Variants in UBE2J1 observed in about 807,000 individuals in gnomAD.
UBE2J1 encodes ubiquitin conjugating enzyme E2 J1.
A neutral mutation model predicts 42.1 loss-of-function variants in UBE2J1; 17 were observed. That is an observed-to-expected ratio of 0.40 (90% confidence interval 0.28 to 0.61). UBE2J1 has a LOEUF of 0.61. Among genes scored for constraint, UBE2J1 ranks in the 20% least tolerant of loss-of-function variants. The pLI, the probability that UBE2J1 is intolerant of heterozygous loss-of-function variation, is 0.38. For missense variants in UBE2J1, 291 were observed against 389.4 expected (o/e 0.75, Z 2.13); for synonymous variants, 127 against 137.2 (o/e 0.93, Z 0.52).
Position 89,329,451 on chromosome 6 carries a change from G to A in UBE2J1, c.*228C>T. 1.9e-6 allele frequency: 1 copy of A among 530,164 alleles called. No individual in the cohort carries two copies. Among genetic ancestry groups the A allele is most frequent in the Non-Finnish European group, 3.3e-6 (1 of 304,368 alleles). The allele number at this position is 530,164 out of a possible 1,614,324, so 32.8% of individuals were successfully genotyped here. On this transcript the variant is annotated 3_prime_UTR_variant, in exon 8 of 8. Transcript: ENST00000435041. The stretch of plus-strand genomic sequence containing the variant: ...AAACAAGTTATTTCCCTGCAAAGCA[G>A]ATCAAATAGTGAGACAAGGAACTTT...
rs555292846 is a variant in UBE2J1, at chr6:89,351,988, G to GT, written c.31+550dup. 3.9e-3 allele frequency among the ~76,000 whole-genome samples: 594 copies of GT among 152,216 alleles called. 2 individuals carry two copies. Among genetic ancestry groups the GT allele is most frequent in the Non-Finnish European group, 5.1e-3 (350 of 67,996 alleles). ...TCTCAAGAACAGGGCTCAACGAGGT[G>GT]TTTTTTTGTTGTTGTTTTGTTTTGC... On this transcript the variant is annotated intron_variant, in intron 1 of 7. Transcript: ENST00000435041.
chr6:89,343,159 G>A (rs936721483), intron 2 of UBE2J1, among the ~76,000 whole-genome samples: 14 of 152,120 alleles, frequency 9.2e-5, no homozygotes, highest in Admixed American at 4.6e-4. Context: ...AACCTCGGCC[G>A]GGTGCAGTGG....
At chr6:89,330,399 C>A (rs958226066) in intron 7 of UBE2J1, among the ~76,000 whole-genome samples, 1 of 152,072 alleles carries the variant, frequency 6.6e-6, no homozygotes, top group African/African-American at 2.4e-5. Context: ...GATCCTCCTG[C>A]CTTGGCCTCC....
chr6:89,348,147 C>T (rs1032006064), intron 1 of UBE2J1, among the ~76,000 whole-genome samples: 4 of 152,182 alleles, frequency 2.6e-5, no homozygotes, highest in South Asian at 2.1e-4. Flanking sequence ...AACTTTTATT[C>T]CAGCTCCTCT....
chr6:89,352,657 C>A lies in UBE2J1; in HGVS notation c.-88G>T, dbSNP rs1207599970. The A allele has an allele frequency of 7.1e-7, 1 of 1,412,892 alleles. No individual in the cohort carries two copies. Among genetic ancestry groups the A allele is most frequent in the Non-Finnish European group, 9.3e-7 (1 of 1,073,418 alleles). The allele number at this position is 1,412,892 out of a possible 1,614,324, so 87.5% of individuals were successfully genotyped here. On this transcript the variant is annotated 5_prime_UTR_variant, in exon 1 of 8. Coordinates refer to ENST00000435041, the MANE Select transcript of UBE2J1 (RefSeq NM_016021.3). ...TGCCCGGGTCTCAGCGCGGCTCGGG[C>A]GGACGGGGCCTGGCCGAGGAGCCTC...
chr6:89,352,637 G>A lies in UBE2J1; in HGVS notation c.-68C>T, dbSNP rs1044469830. 13 of 1,480,610 alleles carry A rather than the reference G, an allele frequency of 8.8e-6. No individual in the cohort carries two copies. Among genetic ancestry groups the A allele is most frequent in the African/African-American group, 1.5e-5 (1 of 68,378 alleles). 91.7% of individuals were successfully genotyped at this position (1,480,610 alleles called of 1,614,324 possible). On this transcript the variant is annotated 5_prime_UTR_variant, in exon 1 of 8. Transcript: ENST00000435041. ...CCTCCTCTCCACGCGGCCGCTGCCCGGGTCTCAGCGCGGCTCGGGCGGACG... is the reference window on the plus strand; with the variant it reads ...CCTCCTCTCCACGCGGCCGCTGCCCAGGTCTCAGCGCGGCTCGGGCGGACG...
In UBE2J1 at chr6:89,352,531, CT is replaced by C; in HGVS notation, c.31+7del. The C allele has an allele frequency of 6.4e-7, 1 of 1,570,098 alleles. No homozygotes were observed. Among genetic ancestry groups the C allele is most frequent in the Admixed American group, 1.7e-5 (1 of 57,330 alleles). ...CCCTCCTCGCCCAGGGGCCCCAGCC[CT>C]GCTCACCCGGACTCTTCAGGTTGTA... is the stretch of plus-strand genomic sequence containing the variant. On this transcript the variant is annotated splice_region_variant and intron_variant, in intron 1 of 7. Coordinates refer to ENST00000435041, the MANE Select transcript of UBE2J1 (RefSeq NM_016021.3).
At chr6:89,333,249 AAC>A (rs745435716) in intron 6 of UBE2J1, 44 bp from the exon 7 acceptor site, 6 of 1,571,168 alleles carry the variant, frequency 3.8e-6, no homozygotes, top group Non-Finnish European at 5.2e-6. Flanking sequence ...AACAGGAAAC[AAC>A]AGGAAACATA....
chr6:89,332,753 A>G (rs1263491333), intron 7 of UBE2J1, among the ~76,000 whole-genome samples: 2 of 152,250 alleles, frequency 1.3e-5, no homozygotes, highest in East Asian at 3.8e-4. Flanking sequence ...CCTGCCAAAA[A>G]TAGTGTCTAT....
At chr6:89,339,751 T>C (rs1355345305) in intron 3 of UBE2J1, among the ~76,000 whole-genome samples, 3 of 146,806 alleles carry the variant, frequency 2.0e-5, no homozygotes, top group Admixed American at 1.4e-4. Context: ...GACTCATGTC[T>C]GTAATCCCAG....
chr6:89,336,527 C>T (rs369165773), intron 5 of UBE2J1, among the ~76,000 whole-genome samples: 3 of 142,926 alleles, frequency 2.1e-5, no homozygotes, highest in Non-Finnish European at 4.5e-5. Flanking sequence ...GAGACAGTGT[C>T]TCCCTGTGTT....
chr6:89,349,029 C>T (rs1768414729), intron 1 of UBE2J1, among the ~76,000 whole-genome samples: 1 of 152,080 alleles, frequency 6.6e-6, no homozygotes, highest in Non-Finnish European at 1.5e-5. Flanking sequence ...TGAGCTCAGG[C>T]GTTTGAGACC....
chr6:89,351,310 G>C (rs1487966033), intron 1 of UBE2J1, among the ~76,000 whole-genome samples: 6 of 151,730 alleles, frequency 4.0e-5, no homozygotes, highest in Admixed American at 1.3e-4. Flanking sequence ...TCCACCTCCT[G>C]GGCTCAAGCC....
At chr6:89,347,379 T>C (rs1259541966) in intron 1 of UBE2J1, among the ~76,000 whole-genome samples, 1 of 152,244 alleles carries the variant, frequency 6.6e-6, no homozygotes, top group African/African-American at 2.4e-5. Flanking sequence ...AACTCAATAA[T>C]GATTAAGCTG....
intron 7 of UBE2J1, among the ~76,000 whole-genome samples, chr6:89,331,202 T>G: frequency 6.6e-6 from 1 of 152,184 alleles, no homozygotes; most frequent in African/African-American, 2.4e-5. Flanking sequence ...TAACCACCCT[T>G]AGCCAAACCA....
Position 89,352,589 on chromosome 6 carries a change from T to G in UBE2J1, c.-20A>C. On this transcript the variant is annotated 5_prime_UTR_variant, in exon 1 of 8. Transcript: ENST00000435041. ...CTCCATGGTGGGTCGCTGGCTTGGC[T>G]CCGGCCTCCCGGGCCGCTGCCACCT... 1 of 1,558,740 alleles carries G rather than the reference T, an allele frequency of 6.4e-7. No individual in the cohort carries two copies. The highest frequency in any genetic ancestry group is 8.6e-7 in the Non-Finnish European group (1 of 1,160,014).
At position 89,329,718 on chromosome 6, in the gene UBE2J1, T is replaced by C. The variant is rs200082622; in HGVS notation, c.918A>G (p.Ile306Met). ...LALAALIFRR[I>M]YLANEYIFDF... Reference sequence around the variant, plus strand: ...CAAATATGTATTCGTTTGCCAGATATATTCGTCGGAATATAAGAGCTGCCA... The same window carrying C: ...CAAATATGTATTCGTTTGCCAGATACATTCGTCGGAATATAAGAGCTGCCA... The change falls in exon 8 of 8, where the codon ATA becomes ATG. Residue 306 changes from isoleucine (I) to methionine (M), a missense_variant. Coordinates refer to ENST00000435041, the MANE Select transcript of UBE2J1 (RefSeq NM_016021.3). 3.7e-6 allele frequency: 6 copies of C among 1,614,164 alleles called. No individual in the cohort carries two copies. Among genetic ancestry groups the C allele is most frequent in the East Asian group, 4.5e-5 (2 of 44,886 alleles).
chr6:89,329,551 A>T lies in UBE2J1; in HGVS notation c.*128T>A. On this transcript the variant is annotated 3_prime_UTR_variant, in exon 8 of 8. Transcript: ENST00000435041. ...GTCTAGATATATTTATACTAAACTT[A>T]CAAGGATCAAAAAAAGGAATGAAGG... 2 of 1,011,882 alleles carry T rather than the reference A, an allele frequency of 2.0e-6. No individual in the cohort carries two copies. The highest frequency in any genetic ancestry group is 1.5e-5 in the South Asian group (1 of 66,260). 62.7% of individuals were successfully genotyped at this position (1,011,882 alleles called of 1,614,324 possible).
At chr6:89,349,859 C>T (rs938283062) in intron 1 of UBE2J1, among the ~76,000 whole-genome samples, 4 of 152,066 alleles carry the variant, frequency 2.6e-5, no homozygotes, top group South Asian at 2.1e-4. Flanking sequence ...TGTCAATGGC[C>T]CCCTGATGAA....
Sources: gnomAD v4.1 joint callset for allele counts (sites outside exome capture counted in the v4.1 genomes callset) on GRCh38, gnomAD v4.1.1 for gene constraint, MANE v1.5 for transcripts, NCBI Gene and HGNC (gene_info 2026-07-23, HGNC 2026-07-21) for gene names.